The following ZBTB20 variants were observed in gnomAD, a reference collection of about 807,000 sequenced individuals.
ZBTB20 encodes zinc finger and BTB domain containing 20, also known as zinc finger and BTB domain-containing protein 20.
A neutral mutation model predicts 56.9 loss-of-function variants in ZBTB20; 9 were observed. That is an observed-to-expected ratio of 0.16 (90% CI 0.10 to 0.28). ZBTB20 has a LOEUF of 0.28. Among genes scored for constraint, ZBTB20 ranks in the 10% least tolerant of loss-of-function variants. ZBTB20 has a pLI of 1.00. For missense variants in ZBTB20, 655 were observed against 1,003.0 expected, an observed-to-expected ratio of 0.65 and a Z score of 4.69; for synonymous variants, 417 against 420.7, an observed-to-expected ratio of 0.99 and a Z score of 0.11.
chr3:114,659,307 C>T (rs1484383009), intron 6 of ZBTB20, among the ~76,000 whole-genome samples: 1 of 152,166 alleles, frequency 6.6e-6, no homozygotes, highest in African/African-American at 2.4e-5. Context: ...AGTCTTTGTA[C>T]ACATTAGGTA....
intron 2 of ZBTB20, among the ~76,000 whole-genome samples, chr3:115,029,855 A>G (rs2080592608): frequency 6.6e-6 from 1 of 151,100 alleles, no homozygotes; most frequent in Non-Finnish European, 1.5e-5. Context: ...TAAGCATAAA[A>G]GCAAAGGCAG....
At chr3:114,975,213 C>T (rs1272956860) in intron 2 of ZBTB20, among the ~76,000 whole-genome samples, 1 of 152,234 alleles carries the variant, frequency 6.6e-6, no homozygotes, top group African/African-American at 2.4e-5. Flanking sequence ...CTAAAAACAG[C>T]TCTCCTATTA....
At position 114,389,087 on chromosome 3, in the gene ZBTB20, G is replaced by A. The variant is rs925699582; in HGVS notation, c.-236C>T. ...TAGTGCAGATGTTCATTGGGGCAGG[G>A]AGCAGAGAGCGGCTGCATCTAGATC... On this transcript the variant is annotated 5_prime_UTR_variant, in exon 8 of 12. Coordinates refer to ENST00000675478, the MANE Select transcript of ZBTB20 (RefSeq NM_001348800.3). The A allele has an allele frequency of 6.6e-6, 1 of 152,200 alleles. No homozygotes were observed. The highest frequency in any genetic ancestry group is 6.5e-5 in the Admixed American group (1 of 15,276). The allele number at this position is 152,200 out of a possible 1,614,324, so 9.4% of individuals were successfully genotyped here. A position where few individuals can be genotyped will look rare whatever the true frequency, so the allele number is the denominator to read the frequency against.
At chr3:114,806,477 T>C (rs1425552941) in intron 4 of ZBTB20, among the ~76,000 whole-genome samples, 1 of 151,968 alleles carries the variant, frequency 6.6e-6, no homozygotes, top group Non-Finnish European at 1.5e-5. Flanking sequence ...CTTTATATAT[T>C]ATGCGTAAAA....
At chr3:114,730,780 A>C (rs907969553) in intron 5 of ZBTB20, among the ~76,000 whole-genome samples, 3 of 152,146 alleles carry the variant, frequency 2.0e-5, no homozygotes, top group Admixed American at 2.0e-4. Flanking sequence ...GTATTTTGTT[A>C]TGGTAGGCCT....
intron 5 of ZBTB20, among the ~76,000 whole-genome samples, chr3:114,729,924 C>A (rs1384765721): frequency 1.3e-5 from 2 of 151,112 alleles, no homozygotes; most frequent in African/African-American, 4.9e-5. Flanking sequence ...CCATCTTAGC[C>A]TCATGAGTAG....
chr3:115,101,116 C>A (rs376327602), intron 1 of ZBTB20, among the ~76,000 whole-genome samples: 14 of 152,346 alleles, frequency 9.2e-5, no homozygotes, highest in Middle Eastern at 3.4e-3. Flanking sequence ...GCAATGTACT[C>A]TGTGTGAACA....
intron 11 of ZBTB20, among the ~76,000 whole-genome samples, chr3:114,349,383 A>G (rs1312686823): frequency 6.6e-6 from 1 of 152,168 alleles, no homozygotes; most frequent in Non-Finnish European, 1.5e-5. Context: ...AGCTATGAAA[A>G]AGGATTGGCT....
intron 1 of ZBTB20, among the ~76,000 whole-genome samples, chr3:115,111,475 T>A (rs1038660628): frequency 1.3e-5 from 2 of 152,172 alleles, no homozygotes; most frequent in Non-Finnish European, 2.9e-5. Flanking sequence ...TTAATAAAAT[T>A]CATGTAACTT....
chr3:114,583,603 T>G (rs1405205771), intron 6 of ZBTB20, among the ~76,000 whole-genome samples: 1 of 152,186 alleles, frequency 6.6e-6, no homozygotes, highest in Non-Finnish European at 1.5e-5. Flanking sequence ...AACATGTTTT[T>G]AGGTAAATAG....
intron 1 of ZBTB20, among the ~76,000 whole-genome samples, chr3:115,090,873 G>A (rs550350138): frequency 5.3e-5 from 8 of 151,898 alleles, no homozygotes; most frequent in Non-Finnish European, 1.2e-4. Context: ...ATGGTAATAC[G>A]TGGACTGAAA....
At chr3:115,126,700 T>C (rs1411533978) in intron 1 of ZBTB20, among the ~76,000 whole-genome samples, 1 of 152,142 alleles carries the variant, frequency 6.6e-6, no homozygotes, top group African/African-American at 2.4e-5. Flanking sequence ...ATATTAAAAG[T>C]TTATAAGTGG....
At chr3:114,353,182 T>C (rs780559387) in intron 10 of ZBTB20, among the ~76,000 whole-genome samples, 6 of 152,164 alleles carry the variant, frequency 3.9e-5, no homozygotes, top group Admixed American at 2.0e-4. Flanking sequence ...GAAAGTGAAA[T>C]AAGTGGGCTT....
At chr3:114,997,228 A>C (rs187462464) in intron 2 of ZBTB20, among the ~76,000 whole-genome samples, 124 of 151,954 alleles carry the variant, frequency 8.2e-4, no homozygotes, top group African/African-American at 2.8e-3. Flanking sequence ...AGGTAGTTAC[A>C]AATCACTGGA....
chr3:114,655,242 C>CTTTTTTTTTTTTTTTTTTT (rs3085998), intron 6 of ZBTB20, among the ~76,000 whole-genome samples: 1 of 91,676 alleles, frequency 1.1e-5, no homozygotes, highest in Non-Finnish European at 2.0e-5. Flanking sequence ...TTTTCCTTTC[C>CTTTTTTTTTTTTTTTTTTT]TTTTTTTTTT....
At chr3:114,931,634 A>T (rs1456499190) in intron 3 of ZBTB20, among the ~76,000 whole-genome samples, 8 of 152,204 alleles carry the variant, frequency 5.3e-5, no homozygotes, top group Non-Finnish European at 1.0e-4. Flanking sequence ...TGGGGTTTTT[A>T]AAATTATTTT....
chr3:115,008,670 T>G (rs1158787125), intron 2 of ZBTB20, among the ~76,000 whole-genome samples: 2 of 151,938 alleles, frequency 1.3e-5, no homozygotes, highest in African/African-American at 2.4e-5. Flanking sequence ...CTAGATCCAC[T>G]TCTGTAAGTT....
At chr3:115,020,229 C>CA (rs1312674988) in intron 2 of ZBTB20, among the ~76,000 whole-genome samples, 6 of 150,992 alleles carry the variant, frequency 4.0e-5, no homozygotes, top group Admixed American at 6.6e-5. Flanking sequence ...ATTGCTTATT[C>CA]AAAAAGACAA....
chr3:114,968,627 G>GA (rs1199197840), intron 3 of ZBTB20, among the ~76,000 whole-genome samples: 6 of 151,590 alleles, frequency 4.0e-5, no homozygotes, highest in South Asian at 2.1e-4. Flanking sequence ...CACCCAATGA[G>GA]AAAAAAGAAA....
Sources: gnomAD v4.1 joint callset for allele counts (sites outside exome capture counted in the v4.1 genomes callset) on GRCh38, gnomAD v4.1.1 for gene constraint, MANE v1.5 for transcripts, NCBI Gene and HGNC (gene_info 2026-07-23, HGNC 2026-07-21) for gene names.